The following PHETA1 variants were observed in gnomAD, a reference collection of about 807,000 sequenced individuals.
PHETA1 encodes sesquipedalian-1.
For synonymous variants in PHETA1, 155 were observed against 168.9 expected (o/e 0.92, Z 0.64); for missense variants, 348 against 373.5 (o/e 0.93, Z 0.56).
rs1033338980 is a variant in PHETA1 at position 111,361,985 on chromosome 12, G to A, written c.*693C>T. ...GGCCAGAGAGCCACTGCCACCAGGA[G>A]CACCACCATGAGGCCTGGCAGGGGA... On this transcript the variant is annotated 3_prime_UTR_variant, in exon 3 of 3. Coordinates refer to ENST00000683047, the MANE Select transcript of PHETA1 (RefSeq NM_144671.6). The A allele has an allele frequency of 1.8e-5, 8 of 456,124 alleles. No individual in the cohort carries two copies. The highest frequency in any genetic ancestry group is 3.5e-5 in the Non-Finnish European group (8 of 226,848). 28.3% of individuals were successfully genotyped at this position (456,124 alleles called of 1,614,324 possible).
chr12:111,363,715 G>A lies in PHETA1; in HGVS notation c.-36-252C>T. ...TCCTGTATCCCTGAAATAATGTTGT[G>A]AGTTCCTGCTGCATGCCAGACATTT... On this transcript the variant is annotated intron_variant, in intron 2 of 2. Transcript: ENST00000683047. This position sits in a 1 kb window ranked among gnomAD's most constrained non-coding sequence, Gnocchi z 7.4. 1 of 1,517,166 alleles carries A rather than the reference G, an allele frequency of 6.6e-7. No homozygotes were observed. Among genetic ancestry groups the A allele is most frequent in the Non-Finnish European group, 8.8e-7 (1 of 1,135,292 alleles). The allele number at this position is 1,517,166 out of a possible 1,614,324, so 94.0% of individuals were successfully genotyped here. A position where few individuals can be genotyped will look rare whatever the true frequency, so the allele number is the denominator to read the frequency against.
At position 111,368,388 on chromosome 12, in the gene PHETA1, C is replaced by T. The variant is rs1211894787; in HGVS notation, c.-182+524G>A. On this transcript the variant is annotated intron_variant, in intron 1 of 2. Transcript: ENST00000683047. The surrounding 1 kb of genome is among the most constrained non-coding windows in gnomAD (Gnocchi z 5.0). ...GGTTGAATCCAGCTGCCCTCAGTGT[C>T]CCCCAGCAGCGGGCGTGGGGAAGAG... 6.6e-6 allele frequency among the ~76,000 whole-genome samples: 1 copy of T among 152,156 alleles called. No homozygotes were observed. Among genetic ancestry groups the T allele is most frequent in the South Asian group, 2.1e-4 (1 of 4,820 alleles).
In PHETA1 at chr12:111,362,801, G is replaced by T. The variant is rs912945075; in HGVS notation, c.627C>A (p.Arg209=). ...GCCCGTGGGGTGCCGAGGCCCGGCGGCGAGGCGGTGGTGGAGGGGGCTCGG... is the reference window on the plus strand; with the variant it reads ...GCCCGTGGGGTGCCGAGGCCCGGCGTCGAGGCGGTGGTGGAGGGGGCTCGG... The part of the protein sequence containing the change: ...PGPEPPPPPP[R]RRASAPHGPL... The change falls in exon 3 of 3, where the codon CGC becomes CGA. Residue 209 remains arginine, a synonymous_variant. Coordinates refer to ENST00000683047, the MANE Select transcript of PHETA1 (RefSeq NM_144671.6). The T allele has an allele frequency of 1.3e-6, 2 of 1,538,952 alleles. No homozygotes were observed. The highest frequency in any genetic ancestry group is 4.9e-5 in the East Asian group (2 of 40,848).
chr12:111,363,660 C>T lies in PHETA1; in HGVS notation c.-36-197G>A. The stretch of plus-strand genomic sequence containing the variant: ...GGACTGGAACCTGGGTCTCACGGGC[C>T]TCCCCAGACAGCCTCATAACCTCCT... On this transcript the variant is annotated intron_variant, in intron 2 of 2. Transcript: ENST00000683047. The surrounding 1 kb of genome is among the most constrained non-coding windows in gnomAD (Gnocchi z 7.4). 2.0e-6 allele frequency: 3 copies of T among 1,534,182 alleles called. No individual in the cohort carries two copies. In the South Asian group the frequency reaches 3.6e-5, roughly 18 times the overall value.
Position 111,362,997 on chromosome 12 carries a change from T to C in PHETA1, c.431A>G (p.Gln144Arg). The C allele has an allele frequency of 6.9e-7, 1 of 1,441,542 alleles. No individual in the cohort carries two copies. The highest frequency in any genetic ancestry group is 9.1e-7 in the Non-Finnish European group (1 of 1,103,588). 89.3% of individuals were successfully genotyped at this position (1,441,542 alleles called of 1,614,324 possible). A position where few individuals can be genotyped will look rare whatever the true frequency, so the allele number is the denominator to read the frequency against. Residue 144 changes from glutamine to arginine, a missense_variant, in exon 3 of 3, where the codon CAG (glutamine) becomes CGG (arginine). Transcript: ENST00000683047. ...CAGGGACGGGGGCAAGGGCAGGGAC[T>C]GGGGCTGGGGCTGGGGCAGGGCCAT... is the stretch of plus-strand genomic sequence containing the variant. ...GGMALPQPQP[Q>R]SLPLPPSLPS...
In PHETA1 at chr12:111,363,018, G is replaced by C. The variant is rs757933959; in HGVS notation, c.410C>G (p.Ala137Gly). The C allele has an allele frequency of 2.7e-5, 41 of 1,511,264 alleles. No homozygotes were observed. In the South Asian group the frequency reaches 4.7e-4, roughly 18 times the overall value. 93.6% of individuals were successfully genotyped at this position (1,511,264 alleles called of 1,614,324 possible). A position where few individuals can be genotyped will look rare whatever the true frequency, so the allele number is the denominator to read the frequency against. ...GGACTGGGGCTGGGGCTGGGGCAGGGCCATGCCACCCCCGCCACGTACAGC... is the reference window on the plus strand; with the variant it reads ...GGACTGGGGCTGGGGCTGGGGCAGGCCCATGCCACCCCCGCCACGTACAGC... ...LAAVRGGGGM[A>G]LPQPQPQSLP... The change falls in exon 3 of 3, where the codon GCC becomes GGC. Residue 137 changes from alanine (A) to glycine (G), a missense_variant. Ala to Gly is a moderately conservative substitution (Grantham distance 60, BLOSUM62 0). Transcript: ENST00000683047. The surrounding 1 kb of genome is among the most constrained non-coding windows in gnomAD (Gnocchi z 7.4).
intron 1 of PHETA1, among the ~76,000 whole-genome samples, chr12:111,366,864 A>G (rs554161537): frequency 6.6e-5 from 10 of 152,046 alleles, no homozygotes; most frequent in Admixed American, 1.3e-4. Flanking sequence ...CTTGAGTTAG[A>G]GACCAGCCTG....
At position 111,361,942 on chromosome 12, in the gene PHETA1, G is replaced by C. The variant is rs1290065652; in HGVS notation, c.*736C>G. 2 of 456,216 alleles carry C rather than the reference G, an allele frequency of 4.4e-6. No individual in the cohort carries two copies. Among genetic ancestry groups the C allele is most frequent in the East Asian group, 1.4e-4 (2 of 14,390 alleles). The allele number at this position is 456,216 out of a possible 1,614,324, so 28.3% of individuals were successfully genotyped here. On this transcript the variant is annotated 3_prime_UTR_variant, in exon 3 of 3. Coordinates refer to ENST00000683047, the MANE Select transcript of PHETA1 (RefSeq NM_144671.6). ...AGAGCCCTGTGAGAGCCACCACGGA[G>C]ACACAGACAGGGCCCGCGGCCAGAG...
rs916537166 is a variant in PHETA1, at chr12:111,363,630, A to G, written c.-36-167T>C. On this transcript the variant is annotated intron_variant, in intron 2 of 2. Coordinates refer to ENST00000683047, the MANE Select transcript of PHETA1 (RefSeq NM_144671.6). The surrounding 1 kb of genome is among the most constrained non-coding windows in gnomAD (Gnocchi z 7.4). ...TGCGCCCACAACTCCTAAGAAGCAGAGACAGGACTGGAACCTGGGTCTCAC... is the reference window on the plus strand; with the variant it reads ...TGCGCCCACAACTCCTAAGAAGCAGGGACAGGACTGGAACCTGGGTCTCAC... 5 of 1,534,668 alleles carry G rather than the reference A, an allele frequency of 3.3e-6. No individual in the cohort carries two copies. The highest frequency in any genetic ancestry group is 3.5e-6 in the Non-Finnish European group (4 of 1,146,614).
At position 111,365,272 on chromosome 12, in the gene PHETA1, G is replaced by A. The variant is rs183589543; in HGVS notation, c.-37+841C>T. 9.2e-5 allele frequency among the ~76,000 whole-genome samples: 14 copies of A among 152,342 alleles called. No homozygotes were observed. The East Asian group carries it at 2.5e-3, about 27-fold the overall frequency. On this transcript the variant is annotated intron_variant, in intron 2 of 2. Transcript: ENST00000683047. The stretch of plus-strand genomic sequence containing the variant: ...AGCAAAGGATATAAAGTCCTGGTAC[G>A]CAGTAGGCACTCAGTGTTCATTCCC...
intron 2 of PHETA1, among the ~76,000 whole-genome samples, chr12:111,364,215 C>T (rs778049261): frequency 6.6e-6 from 1 of 151,660 alleles, no homozygotes; most frequent in Non-Finnish European, 1.5e-5. Flanking sequence ...GGCGTGGTGG[C>T]GGGCGCCTGT....
rs1014603090 is a variant in PHETA1 at position 111,367,543 on chromosome 12, C to T, written c.-181-1286G>A. The stretch of plus-strand genomic sequence containing the variant: ...ACAACTGTGCCCAGAATCACATGCT[C>T]CAGGCAAGCCACCCAAATAAAGGGG... On this transcript the variant is annotated intron_variant, in intron 1 of 2. Transcript: ENST00000683047. This position sits in a 1 kb window ranked among gnomAD's most constrained non-coding sequence, Gnocchi z 4.0. Among the ~76,000 whole-genome samples, 7 of 152,230 alleles carry T rather than the reference C, an allele frequency of 4.6e-5. No individual in the cohort carries two copies. The highest frequency in any genetic ancestry group is 1.0e-4 in the Non-Finnish European group (7 of 68,046).
rs1868838698 is a variant in PHETA1 at position 111,363,524 on chromosome 12, C to T, written c.-36-61G>A. 1 of 1,542,034 alleles carries T rather than the reference C, an allele frequency of 6.5e-7. No individual in the cohort carries two copies. Among genetic ancestry groups the T allele is most frequent in the Non-Finnish European group, 8.7e-7 (1 of 1,148,064 alleles). ...ACTGACGCTAGGTCACCCAGTGCCC[C>T]AAGGGGACCTTGCAGCCACTCTACA... On this transcript the variant is annotated intron_variant, in intron 2 of 2. Transcript: ENST00000683047. The surrounding 1 kb of genome is among the most constrained non-coding windows in gnomAD (Gnocchi z 7.4).
Position 111,368,523 on chromosome 12 carries a change from A to G in PHETA1, c.-182+389T>C, listed in dbSNP as rs1565950310. On this transcript the variant is annotated intron_variant, in intron 1 of 2. Coordinates refer to ENST00000683047, the MANE Select transcript of PHETA1 (RefSeq NM_144671.6). This position sits in a 1 kb window ranked among gnomAD's most constrained non-coding sequence, Gnocchi z 5.0. Reference sequence around the variant, plus strand: ...GAGACACGCCAGCACCGCCGTCCAGACACAGGCAGCCCCCTTGTCCACGGC... The same window carrying G: ...GAGACACGCCAGCACCGCCGTCCAGGCACAGGCAGCCCCCTTGTCCACGGC... Among the ~76,000 whole-genome samples, 2 of 152,292 alleles carry G rather than the reference A, an allele frequency of 1.3e-5. No individual in the cohort carries two copies. Among genetic ancestry groups the G allele is most frequent in the East Asian group, 1.9e-4 (1 of 5,180 alleles).
Position 111,367,020 on chromosome 12 carries a change from C to CAAAAAAA in PHETA1, c.-181-770_-181-764dup, listed in dbSNP as rs925270790. Among the ~76,000 whole-genome samples, 1 of 108,726 alleles carries CAAAAAAA rather than the reference C, an allele frequency of 9.2e-6. No homozygotes were observed. The allele number at this position is 108,726 out of a possible 152,430, so 71.3% of individuals were successfully genotyped here. On this transcript the variant is annotated intron_variant, in intron 1 of 2. Transcript: ENST00000683047. This position sits in a 1 kb window ranked among gnomAD's most constrained non-coding sequence, Gnocchi z 4.0. ...GGGGTGACATAGTGAGATTCTGTCT[C>CAAAAAAA]AAAAAAAAAAAAAAAAAAATCCAAG...
intron 2 of PHETA1, among the ~76,000 whole-genome samples, chr12:111,365,861 C>T (rs1868996391): frequency 6.6e-6 from 1 of 152,128 alleles, no homozygotes; most frequent in South Asian, 2.1e-4. Context: ...GCATGTTCTG[C>T]ACATGTATCA....
Position 111,360,821 on chromosome 12 carries a change from C to G in PHETA1, c.*1857G>C, listed in dbSNP as rs1256312971. The G allele has an allele frequency of 6.5e-6, 1 of 152,690 alleles. No individual in the cohort carries two copies. The highest frequency in any genetic ancestry group is 2.4e-5 in the African/African-American group (1 of 41,440). 9.5% of individuals were successfully genotyped at this position (152,690 alleles called of 1,614,324 possible). On this transcript the variant is annotated 3_prime_UTR_variant, in exon 3 of 3. Transcript: ENST00000683047. ...CCCTCACCCCTCTCTCCCAGGAGAC[C>G]AGGGCCAACGTACCTTGAGAGTCTG...
Position 111,363,804 on chromosome 12 carries a change from G to T in PHETA1, c.-36-341C>A. The T allele has an allele frequency of 7.9e-7, 1 of 1,258,094 alleles. No homozygotes were observed. Among genetic ancestry groups the T allele is most frequent in the Non-Finnish European group, 1.0e-6 (1 of 954,764 alleles). The allele number at this position is 1,258,094 out of a possible 1,614,324, so 77.9% of individuals were successfully genotyped here. Reference sequence around the variant, plus strand: ...GGTCACAGGGACTGGCCTGGCACCAGTGCAACAGATGAGGAAACAGAGGCA... The same window carrying T: ...GGTCACAGGGACTGGCCTGGCACCATTGCAACAGATGAGGAAACAGAGGCA... On this transcript the variant is annotated intron_variant, in intron 2 of 2. Coordinates refer to ENST00000683047, the MANE Select transcript of PHETA1 (RefSeq NM_144671.6). The surrounding 1 kb of genome is among the most constrained non-coding windows in gnomAD (Gnocchi z 7.4).
chr12:111,363,513 A>T lies in PHETA1; in HGVS notation c.-36-50T>A. 6.5e-7 allele frequency: 1 copy of T among 1,547,990 alleles called. No individual in the cohort carries two copies. Among genetic ancestry groups the T allele is most frequent in the Non-Finnish European group, 8.7e-7 (1 of 1,150,404 alleles). ...TGCACAAGGCCACTGACGCTAGGTCACCCAGTGCCCCAAGGGGACCTTGCA... is the reference window on the plus strand; with the variant it reads ...TGCACAAGGCCACTGACGCTAGGTCTCCCAGTGCCCCAAGGGGACCTTGCA... On this transcript the variant is annotated intron_variant, in intron 2 of 2. Coordinates refer to ENST00000683047, the MANE Select transcript of PHETA1 (RefSeq NM_144671.6). The surrounding 1 kb of genome is among the most constrained non-coding windows in gnomAD (Gnocchi z 7.4).
Sources: gnomAD v4.1 joint callset for allele counts (sites outside exome capture counted in the v4.1 genomes callset) on GRCh38, gnomAD v4.1.1 for gene constraint, Gnocchi (gnomAD v3.1) non-coding constraint, MANE v1.5 for transcripts, NCBI Gene and HGNC (gene_info 2026-07-23, HGNC 2026-07-21) for gene names.